Variants in HECW2 observed in about 807,000 individuals in gnomAD.
HECW2 encodes HECT, C2 and WW domain containing E3 ubiquitin protein ligase 2, also known as E3 ubiquitin-protein ligase HECW2.
In HECW2, 61 loss-of-function variants were observed where a neutral mutation model predicts 175.2. That is an observed-to-expected ratio of 0.35 (90% CI 0.28 to 0.43). The LOEUF (loss-of-function observed/expected upper bound fraction) is 0.43. Among genes scored for constraint, HECW2 ranks in the 20% least tolerant of loss-of-function variants. HECW2 has a pLI of 1.00. For synonymous variants in HECW2, 671 were observed against 731.0 expected (o/e 0.92, Z 1.32); for missense variants, 1,524 against 2,000.5 (o/e 0.76, Z 4.54).
chr2:196,216,862 C>T (rs1687493726), intron 27 of HECW2, 146 bp downstream of exon 27: 1 of 544,500 alleles, frequency 1.8e-6, no homozygotes. Context: ...CATAACCATG[C>T]AATCAGGAGT....
intron 2 of HECW2, among the ~76,000 whole-genome samples, chr2:196,355,103 T>C (rs1693315781): frequency 6.6e-6 from 1 of 152,266 alleles, no homozygotes; most frequent in African/African-American, 2.4e-5. Context: ...TGGTGGATAT[T>C]GTAAAACTTA....
chr2:196,346,356 C>T (rs1022688212), intron 2 of HECW2, among the ~76,000 whole-genome samples: 40 of 152,112 alleles, frequency 2.6e-4, no homozygotes, highest in African/African-American at 8.9e-4. Context: ...GAGGCCTGAA[C>T]CCTGGACAGA....
chr2:196,569,629 C>G (rs1203466466), intron 1 of HECW2, among the ~76,000 whole-genome samples: 1 of 152,206 alleles, frequency 6.6e-6, no homozygotes, highest in Non-Finnish European at 1.5e-5. Flanking sequence ...GACCCTCTAT[C>G]TGAGACTTCC....
At chr2:196,300,993 C>A (rs1691028365) in intron 13 of HECW2, among the ~76,000 whole-genome samples, 1 of 152,052 alleles carries the variant, frequency 6.6e-6, no homozygotes, top group Non-Finnish European at 1.5e-5. Flanking sequence ...TTAGGCCCAG[C>A]ATCCATTAAC....
chr2:196,542,140 T>C (rs1450660220), intron 1 of HECW2, among the ~76,000 whole-genome samples: 1 of 151,788 alleles, frequency 6.6e-6, no homozygotes, highest in Non-Finnish European at 1.5e-5. Flanking sequence ...GGCGCACACC[T>C]GTAGTCCCAG....
chr2:196,526,594 C>T (rs1305182515), intron 1 of HECW2, among the ~76,000 whole-genome samples: 5 of 147,400 alleles, frequency 3.4e-5, no homozygotes, highest in Non-Finnish European at 7.4e-5. Context: ...CTGTTTTTTC[C>T]CCATCTTTGT....
At chr2:196,384,506 C>T (rs903562109) in intron 2 of HECW2, among the ~76,000 whole-genome samples, 31 of 152,116 alleles carry the variant, frequency 2.0e-4, no homozygotes, top group South Asian at 6.3e-4. Flanking sequence ...CACTTGAGCC[C>T]GGGAGGCAGA....
intron 2 of HECW2, among the ~76,000 whole-genome samples, chr2:196,425,930 G>A (rs974515884): frequency 6.6e-6 from 1 of 152,080 alleles, no homozygotes; most frequent in Non-Finnish European, 1.5e-5. Flanking sequence ...GAAATCTTTC[G>A]TGAAAGGAAG....
intron 2 of HECW2, among the ~76,000 whole-genome samples, chr2:196,411,362 T>G (rs1457018410): frequency 6.6e-6 from 1 of 152,160 alleles, no homozygotes; most frequent in Non-Finnish European, 1.5e-5. Context: ...TCCTTTTTAG[T>G]GGGTGCTATC....
chr2:196,455,752 A>G (rs1696489804), intron 1 of HECW2, among the ~76,000 whole-genome samples: 1 of 152,178 alleles, frequency 6.6e-6, no homozygotes, highest in Non-Finnish European at 1.5e-5. Flanking sequence ...CACTGGAAAT[A>G]CAAAGGATAA....
rs572993717 is a variant in HECW2, at chr2:196,532,050, T to G, written c.-36+61458A>C. Among the ~76,000 whole-genome samples the G allele has an allele frequency of 3.9e-5, 6 of 152,330 alleles. No homozygotes were observed. The South Asian group carries it at 1.2e-3, about 32-fold the overall frequency. On this transcript the variant is annotated intron_variant, in intron 1 of 28. Coordinates refer to ENST00000644978, the MANE Select transcript of HECW2 (RefSeq NM_001348768.2). ...CCCTGCACACAACTGGCATCTAACA[T>G]TACGATCTTCCCAGTGTGGCGATTC...
At chr2:196,328,404 G>A (rs1285845989) in intron 5 of HECW2, among the ~76,000 whole-genome samples, 3 of 152,190 alleles carry the variant, frequency 2.0e-5, no homozygotes, top group Admixed American at 6.5e-5. Context: ...GTTTACAGCT[G>A]CTGAAATTCA....
chr2:196,465,618 T>G (rs550973116), intron 1 of HECW2, among the ~76,000 whole-genome samples: 1 of 151,892 alleles, frequency 6.6e-6, no homozygotes, highest in Non-Finnish European at 1.5e-5. Flanking sequence ...TGCTTTTCCA[T>G]GATAAAGATT....
chr2:196,310,728 G>A (rs143603370), intron 10 of HECW2, among the ~76,000 whole-genome samples: 197 of 151,948 alleles, frequency 1.3e-3, no homozygotes, highest in African/African-American at 4.4e-3. Flanking sequence ...TGTCAAATAT[G>A]TTATATAATC....
intron 2 of HECW2, among the ~76,000 whole-genome samples, chr2:196,384,192 C>T (rs767966651): frequency 3.9e-5 from 6 of 152,186 alleles, no homozygotes; most frequent in Non-Finnish European, 8.8e-5. Context: ...TGGCAATAAA[C>T]ATTTATTAAG....
intron 2 of HECW2, among the ~76,000 whole-genome samples, chr2:196,380,730 G>A (rs1356456257): frequency 1.3e-5 from 2 of 152,094 alleles, no homozygotes; most frequent in African/African-American, 4.8e-5. Context: ...TTAGTGGCTC[G>A]TAAGGTGTGT....
chr2:196,553,675 ACT>A, intron 1 of HECW2, among the ~76,000 whole-genome samples: 1 of 152,260 alleles, frequency 6.6e-6, no homozygotes, highest in Middle Eastern at 3.4e-3. Flanking sequence ...CTGCATTTAA[ACT>A]CTGATTTGCG....
intron 1 of HECW2, among the ~76,000 whole-genome samples, chr2:196,485,683 C>T (rs539246331): frequency 1.3e-5 from 2 of 152,090 alleles, no homozygotes; most frequent in African/African-American, 2.4e-5. Context: ...ACAAGGGGAC[C>T]GAGGAAGGCG....
intron 1 of HECW2, among the ~76,000 whole-genome samples, chr2:196,531,379 C>T (rs1688833089): frequency 6.6e-6 from 1 of 152,028 alleles, no homozygotes; most frequent in Non-Finnish European, 1.5e-5. Flanking sequence ...TGTTTTTGGC[C>T]AGGTGCGGCA....
Sources: allele counts gnomAD v4.1 joint callset (sites outside exome capture counted in the v4.1 genomes callset), GRCh38; gene constraint gnomAD v4.1.1; transcripts MANE v1.5; gene names NCBI Gene and HGNC (gene_info 2026-07-23, HGNC 2026-07-21).